Variants in TNIP1 observed in about 807,000 individuals in gnomAD.
The protein encoded by TNIP1 is TNFAIP3-interacting protein 1.
A neutral mutation model predicts 86.6 loss-of-function variants in TNIP1; 22 were observed. The observed-to-expected ratio is 0.25, with a 90% CI of 0.18 to 0.36. TNIP1 has a LOEUF of 0.36. TNIP1 is among the 10% of genes least tolerant of loss of function. The pLI is 1.00. For synonymous variants in TNIP1, 294 were observed against 313.0 expected (o/e 0.94, Z 0.64); for missense variants, 709 against 820.6 (o/e 0.86, Z 1.66).
chr5:151,030,412 C>CT lies in TNIP1; in HGVS notation c.*300dup. On this transcript the variant is annotated 3_prime_UTR_variant, in exon 18 of 18. Transcript: ENST00000521591. ...CCTCCCACTCTTAGGATTGCTGCTCCTGGAGGCTTCTGCAACGGATGGTGG... is the reference window on the plus strand; with the variant it reads ...CCTCCCACTCTTAGGATTGCTGCTCCTTGGAGGCTTCTGCAACGGATGGTGG... 1 of 521,990 alleles carries CT rather than the reference C, an allele frequency of 1.9e-6. No homozygotes were observed. The highest frequency in any genetic ancestry group is 3.5e-6 in the Non-Finnish European group (1 of 287,678). The allele number at this position is 521,990 out of a possible 1,614,324, so 32.3% of individuals were successfully genotyped here. A position where few individuals can be genotyped will look rare whatever the true frequency, so the allele number is the denominator to read the frequency against.
At chr5:151,052,284 G>A (rs1760042704) in intron 6 of TNIP1, 25 bp from the exon 7 acceptor site, 2 of 1,602,810 alleles carry the variant, frequency 1.2e-6, no homozygotes, top group Non-Finnish European at 1.7e-6. Flanking sequence ...AACAGACAGG[G>A]TGAGGGAAAG....
intron 1 of TNIP1, among the ~76,000 whole-genome samples, chr5:151,065,766 C>A (rs1022487680): frequency 6.6e-6 from 1 of 152,156 alleles, no homozygotes; most frequent in African/African-American, 2.4e-5. Context: ...GAAAAAAACA[C>A]CCTGACTAAT....
chr5:151,046,734 A>C (rs2113476647), intron 8 of TNIP1, among the ~76,000 whole-genome samples: 1 of 152,352 alleles, frequency 6.6e-6, no homozygotes, highest in South Asian at 2.1e-4. Flanking sequence ...AACCTGAAAA[A>C]AACATCTATG....
intron 9 of TNIP1, 71 bp downstream of exon 9, chr5:151,045,790 G>T: frequency 6.6e-7 from 1 of 1,522,382 alleles, no homozygotes; most frequent in African/African-American, 1.4e-5. Flanking sequence ...AGGAGGCCAG[G>T]GCAAGCCTTT....
chr5:151,054,658 G>A (rs1760405732), intron 6 of TNIP1, among the ~76,000 whole-genome samples: 2 of 152,128 alleles, frequency 1.3e-5, no homozygotes, highest in African/African-American at 4.8e-5. Flanking sequence ...CAGCCTGGGT[G>A]GCGGAGCAAG....
At chr5:151,077,830 C>A (rs979800133) in intron 1 of TNIP1, among the ~76,000 whole-genome samples, 1 of 152,226 alleles carries the variant, frequency 6.6e-6, no homozygotes, top group African/African-American at 2.4e-5. Context: ...GGAGAAAAAT[C>A]AACATTTCTA....
At chr5:151,034,054 G>A (rs1341562407) in intron 15 of TNIP1, among the ~76,000 whole-genome samples, 1 of 152,124 alleles carries the variant, frequency 6.6e-6, no homozygotes, top group Non-Finnish European at 1.5e-5. Context: ...TGTGACATGG[G>A]CACAGAAGGC....
At chr5:151,032,532 G>T in intron 16 of TNIP1, 149 bp from the exon 17 acceptor site, 1 of 765,088 alleles carries the variant, frequency 1.3e-6, no homozygotes, top group African/African-American at 1.8e-5. Context: ...TCACAGGTAA[G>T]GAATCTGAGG....
intron 9 of TNIP1, among the ~76,000 whole-genome samples, chr5:151,045,377 AC>A (rs146871896): frequency 0.017 from 2,625 of 152,318 alleles, 72 homozygotes; most frequent in African/African-American, 0.06. Context: ...GGCATGAGCC[AC>A]CGCACCCAGC....
chr5:151,039,112 G>A lies in TNIP1; in HGVS notation c.1248C>T (p.Ile416=), dbSNP rs766217154. The A allele has an allele frequency of 6.2e-7, 1 of 1,613,740 alleles. No individual in the cohort carries two copies. Among genetic ancestry groups the A allele is most frequent in the Non-Finnish European group, 8.5e-7 (1 of 1,179,846 alleles). The change falls in exon 12 of 18, where the codon ATC becomes ATT. Residue 416 remains isoleucine, a synonymous_variant. Transcript: ENST00000521591. The part of the protein sequence containing the change: ...TRQREYQEKE[I]QRLNKALEEA... Reference sequence around the variant, plus strand: ...AGGCACCCACCTTGTTGAGCCGCTGGATCTCCTTTTCCTGGTACTCACGCT... The same window carrying A: ...AGGCACCCACCTTGTTGAGCCGCTGAATCTCCTTTTCCTGGTACTCACGCT...
Position 151,059,862 on chromosome 5 carries a change from TGTGTGCGCGC to T in TNIP1, c.435+446_435+455del, listed in dbSNP as rs778296383. Among the ~76,000 whole-genome samples the T allele has an allele frequency of 9.9e-3, 959 of 96,394 alleles. 28 individuals carry two copies. The highest frequency in any genetic ancestry group is 0.044 in the African/African-American group (854 of 19,560). 63.2% of individuals were successfully genotyped at this position (96,394 alleles called of 152,430 possible). On this transcript the variant is annotated intron_variant, in intron 5 of 17. Transcript: ENST00000521591. ...GTGTGTGTGTGTGTGTGTGTGTGTG[TGTGTGCGCGC>T]GCGCGCGCGCATGCGTGTAAGTGGA...
intron 4 of TNIP1, 109 bp from the exon 5 acceptor site, chr5:151,060,504 G>A: frequency 1.1e-6 from 1 of 904,206 alleles, no homozygotes; most frequent in Non-Finnish European, 1.8e-6. Context: ...CCCATTTTGA[G>A]TACACAGGGA....
intron 11 of TNIP1, among the ~76,000 whole-genome samples, chr5:151,041,940 C>CTTT (rs534852391): frequency 1.5e-5 from 2 of 131,888 alleles, no homozygotes; most frequent in Admixed American, 7.7e-5. Flanking sequence ...CTGCTTGGAT[C>CTTT]TTTTTTTTTT....
intron 11 of TNIP1, among the ~76,000 whole-genome samples, chr5:151,041,071 C>CT (rs397944698): frequency 0.21 from 29,474 of 139,410 alleles, 3,384 homozygotes; most frequent in African/African-American, 0.3. Flanking sequence ...CTTCGTAGTA[C>CT]TTTTTTTTTT....
At chr5:151,041,166 G>A (rs1225943728) in intron 11 of TNIP1, among the ~76,000 whole-genome samples, 1 of 151,962 alleles carries the variant, frequency 6.6e-6, no homozygotes, top group Non-Finnish European at 1.5e-5. Flanking sequence ...CGCCTCCCGG[G>A]TTCAAGCGAT....
chr5:151,032,633 C>T lies in TNIP1; in HGVS notation c.1780-250G>A, dbSNP rs551030513. 192 of 526,972 alleles carry T rather than the reference C, an allele frequency of 3.6e-4. 1 individual carries two copies. Among genetic ancestry groups the T allele is most frequent in the African/African-American group, 3.4e-3 (180 of 52,184 alleles). 32.6% of individuals were successfully genotyped at this position (526,972 alleles called of 1,614,324 possible). On this transcript the variant is annotated intron_variant, in intron 16 of 17. Transcript: ENST00000521591. ...AGGTCTTTGTAAATCCAGAGCCAAT[C>T]TCTTAAGCGCCATACTATATACTCT...
At chr5:151,062,079 T>G in intron 4 of TNIP1, 48 bp downstream of exon 4, 3 of 1,532,952 alleles carry the variant, frequency 2.0e-6, no homozygotes, top group Non-Finnish European at 2.7e-6. Context: ...CAGTAGGACT[T>G]GAGGTCCATC....
Position 151,035,716 on chromosome 5 carries a change from G to A in TNIP1, c.1396-9C>T, listed in dbSNP as rs758777073. ...TCCTCGAAGATCTTCACCTGGTGTGGAGGGAGGGTGAAGAGAGGGAGGGGG... is the reference window on the plus strand; with the variant it reads ...TCCTCGAAGATCTTCACCTGGTGTGAAGGGAGGGTGAAGAGAGGGAGGGGG... On this transcript the variant is annotated splice_polypyrimidine_tract_variant and intron_variant, in intron 13 of 17. Coordinates refer to ENST00000521591, the MANE Select transcript of TNIP1 (RefSeq NM_006058.5). 6 of 1,613,832 alleles carry A rather than the reference G, an allele frequency of 3.7e-6. No homozygotes were observed. Among genetic ancestry groups the A allele is most frequent in the Non-Finnish European group, 5.1e-6 (6 of 1,179,980 alleles).
intron 1 of TNIP1, among the ~76,000 whole-genome samples, chr5:151,073,901 AAAAAAAAG>A (rs930176398): frequency 3.3e-5 from 5 of 152,034 alleles, no homozygotes; most frequent in African/African-American, 1.2e-4. Context: ...TCTGTCTCTT[AAAAAAAAG>A]AAAAGAAGAA....
Sources: gnomAD v4.1 joint callset for allele counts (sites outside exome capture counted in the v4.1 genomes callset) on GRCh38, gnomAD v4.1.1 for gene constraint, MANE v1.5 for transcripts, NCBI Gene and HGNC (gene_info 2026-07-23, HGNC 2026-07-21) for gene names.